Variants in OLA1 observed in about 807,000 individuals in gnomAD.
OLA1 encodes Obg like ATPase 1.
OLA1 carries 14 observed loss-of-function variants against 48.4 expected under a neutral mutation model. The observed-to-expected ratio is 0.29, with a 90% confidence interval of 0.19 to 0.45. OLA1 has a LOEUF of 0.45. Ranked by LOEUF, OLA1 falls within the 20% of genes least tolerant of loss-of-function variation. OLA1 has a pLI of 1.00. For synonymous variants in OLA1, 127 were observed against 150.4 expected, an observed-to-expected ratio of 0.84 and a Z score of 1.14; for missense variants, 325 against 467.1, an observed-to-expected ratio of 0.70 and a Z score of 2.80.
rs1041848596 is a variant in OLA1 at position 174,075,535 on chromosome 2, CAG to C, written c.1090-10_1090-9del. ...TCTGTACTTTCCAGCAGCCTGCAAA[CAG>C]AAAATATAGAGGAAATGGGTTATTA... On this transcript the variant is annotated splice_polypyrimidine_tract_variant and intron_variant, in intron 10 of 10. Transcript: ENST00000284719. 1.2e-5 allele frequency: 19 copies of C among 1,554,728 alleles called. No homozygotes were observed. The highest frequency in any genetic ancestry group is 1.7e-5 in the Non-Finnish European group (19 of 1,128,118).
intron 1 of OLA1, chr2:174,247,742 G>A: frequency 3.9e-6 from 6 of 1,550,968 alleles, no homozygotes; most frequent in Non-Finnish European, 5.2e-6. Flanking sequence ...GTCCTCATAA[G>A]CAACCTCCAA....
At chr2:174,204,298 G>A (rs1688061328) in intron 4 of OLA1, among the ~76,000 whole-genome samples, 1 of 152,014 alleles carries the variant, frequency 6.6e-6, no homozygotes, top group South Asian at 2.1e-4. Context: ...CTACTCGGGA[G>A]GCTGACGCAG....
intron 4 of OLA1, among the ~76,000 whole-genome samples, chr2:174,196,069 T>C (rs1687873426): frequency 1.3e-5 from 2 of 152,144 alleles, no homozygotes; most frequent in Admixed American, 1.3e-4. Flanking sequence ...TCTAAGCATC[T>C]AGATTGCTGT....
intron 4 of OLA1, among the ~76,000 whole-genome samples, chr2:174,209,506 T>C (rs951188164): frequency 6.6e-6 from 1 of 152,064 alleles, no homozygotes; most frequent in East Asian, 1.9e-4. Flanking sequence ...GTGGGCACAT[T>C]GGGCTAGCTG....
At chr2:174,116,160 T>C (rs1206979868) in intron 7 of OLA1, among the ~76,000 whole-genome samples, 4 of 152,252 alleles carry the variant, frequency 2.6e-5, no homozygotes, top group Non-Finnish European at 4.4e-5. Context: ...CACAGCAATG[T>C]GCAGTCCCAG....
chr2:174,198,063 A>G (rs1687916933), intron 4 of OLA1, among the ~76,000 whole-genome samples: 1 of 152,204 alleles, frequency 6.6e-6, no homozygotes, highest in Non-Finnish European at 1.5e-5. Context: ...TCTCAGGTTC[A>G]AGCGATTCTC....
chr2:174,086,004 T>G (rs1684968244), intron 7 of OLA1, among the ~76,000 whole-genome samples: 1 of 152,142 alleles, frequency 6.6e-6, no homozygotes, highest in African/African-American at 2.4e-5. Flanking sequence ...TGTGGTCATT[T>G]TGGCAGCTGC....
At chr2:174,226,105 A>G (rs1035218213) in intron 3 of OLA1, among the ~76,000 whole-genome samples, 1 of 73,796 alleles carries the variant, frequency 1.4e-5, no homozygotes, top group Non-Finnish European at 2.8e-5. Context: ...AGGCTGAGGC[A>G]GGAGAATGGC....
chr2:174,233,302 A>G (rs1688772710), intron 2 of OLA1, among the ~76,000 whole-genome samples: 1 of 152,216 alleles, frequency 6.6e-6, no homozygotes, highest in Admixed American at 6.5e-5. Flanking sequence ...GAGATCTGTT[A>G]TACAACAATG....
chr2:174,193,908 G>C (rs909072402), intron 4 of OLA1, among the ~76,000 whole-genome samples: 5 of 152,062 alleles, frequency 3.3e-5, no homozygotes, highest in Admixed American at 2.6e-4. Context: ...TGTCAGCCTG[G>C]GTCTTGAAGA....
chr2:174,220,877 C>T lies in OLA1; in HGVS notation c.373+2156G>A, dbSNP rs952795881. Among the ~76,000 whole-genome samples, 7 of 152,090 alleles carry T rather than the reference C, an allele frequency of 4.6e-5. 1 individual carries two copies. The South Asian group carries it at 6.2e-4, about 14-fold the overall frequency. On this transcript the variant is annotated intron_variant, in intron 4 of 10. Transcript: ENST00000284719. The stretch of plus-strand genomic sequence containing the variant: ...ACAATTTTTTCTGTCCCCTAACTTT[C>T]GGATGTTCTAATAGAAAGCTGAAAA...
chr2:174,176,442 C>A (rs998226187), intron 4 of OLA1, among the ~76,000 whole-genome samples: 14 of 151,978 alleles, frequency 9.2e-5, no homozygotes, highest in Non-Finnish European at 1.9e-4. Context: ...TTAATAAAAA[C>A]AAAAATTGGA....
At chr2:174,105,803 G>C (rs1474006738) in intron 7 of OLA1, among the ~76,000 whole-genome samples, 1 of 151,962 alleles carries the variant, frequency 6.6e-6, no homozygotes, top group Admixed American at 6.6e-5. Context: ...GCAAAGGACT[G>C]TTTTTAAAAG....
chr2:174,162,823 C>T (rs1018324658), intron 4 of OLA1, among the ~76,000 whole-genome samples: 3 of 152,100 alleles, frequency 2.0e-5, no homozygotes, highest in Non-Finnish European at 2.9e-5. Context: ...GCGGGCGGAT[C>T]GCTTGAGTAC....
intron 7 of OLA1, among the ~76,000 whole-genome samples, chr2:174,091,534 C>G (rs559923412): frequency 8.5e-5 from 13 of 152,310 alleles, no homozygotes; most frequent in African/African-American, 3.1e-4. Flanking sequence ...AGTACAAGTG[C>G]TGAAATCTTC....
chr2:174,173,723 TA>T (rs1421312606), intron 4 of OLA1, among the ~76,000 whole-genome samples: 6 of 151,772 alleles, frequency 4.0e-5, no homozygotes, highest in African/African-American at 1.5e-4. Flanking sequence ...CATAGTCCTT[TA>T]AAAAGCTCAA....
rs149936804 is a variant in OLA1, at chr2:174,168,341, A to C, written c.374-26341T>G. ...GAAGTGAGACTGGAGCTGCCATCTA[A>C]GAAATCGAGGTTGCAGTTCAAGTCC... On this transcript the variant is annotated intron_variant, in intron 4 of 10. Transcript: ENST00000284719. Among the ~76,000 whole-genome samples the C allele has an allele frequency of 1.9e-3, 286 of 152,312 alleles. 3 individuals carry two copies. Among genetic ancestry groups the C allele is most frequent in the African/African-American group, 6.5e-3 (271 of 41,560 alleles).
intron 4 of OLA1, among the ~76,000 whole-genome samples, chr2:174,195,568 G>A (rs945989041): frequency 1.3e-5 from 2 of 152,122 alleles, no homozygotes; most frequent in African/African-American, 4.8e-5. Context: ...GCCAAATCTT[G>A]TTCCTGCAAA....
In OLA1 at chr2:174,202,062, A is replaced by G. The variant is rs78773673; in HGVS notation, c.373+20971T>C. Among the ~76,000 whole-genome samples, 36 of 152,342 alleles carry G rather than the reference A, an allele frequency of 2.4e-4. 1 individual carries two copies. The East Asian group carries it at 6.6e-3, about 28-fold the overall frequency. ...GCAAGTTTGAAAAAAACTCACAGAT[A>G]AACCGGGTAACCTAGAAATACTGAA... On this transcript the variant is annotated intron_variant, in intron 4 of 10. Transcript: ENST00000284719.
Sources: allele counts gnomAD v4.1 joint callset (sites outside exome capture counted in the v4.1 genomes callset), GRCh38; gene constraint gnomAD v4.1.1; transcripts MANE v1.5; gene names NCBI Gene and HGNC (gene_info 2026-07-23, HGNC 2026-07-21).